PLCXD3: variants seen among roughly 807,000 people sequenced by gnomAD.
The protein encoded by PLCXD3 is phosphatidylinositol specific phospholipase C X domain containing 3.
PLCXD3 carries 19 observed loss-of-function variants against 25.5 expected under a neutral mutation model. The observed-to-expected ratio is 0.75, with a 90% CI of 0.52 to 1.09. The LOEUF is 1.09. Ranked by LOEUF, PLCXD3 falls within the 50% of genes least tolerant of loss-of-function variation. PLCXD3 has a pLI of 0.00. For missense variants in PLCXD3, 411 were observed against 388.1 expected (o/e 1.06, Z -0.50); for synonymous variants, 174 against 137.6 (o/e 1.26, Z -1.85).
chr5:41,493,335 G>T (rs576759787), intron 1 of PLCXD3, among the ~76,000 whole-genome samples: 70 of 152,298 alleles, frequency 4.6e-4, no homozygotes, highest in Non-Finnish European at 9.7e-4. Context: ...GTGTCAGTCT[G>T]CCCCTACTGG....
chr5:41,500,011 T>C (rs1012247440), intron 1 of PLCXD3, among the ~76,000 whole-genome samples: 1 of 151,806 alleles, frequency 6.6e-6, no homozygotes, highest in African/African-American at 2.4e-5. Context: ...ATAGTATGGC[T>C]ATTTCTCAAA....
At chr5:41,316,826 G>A (rs1580294151) in intron 2 of PLCXD3, among the ~76,000 whole-genome samples, 1 of 152,290 alleles carries the variant, frequency 6.6e-6, no homozygotes, top group East Asian at 1.9e-4. Flanking sequence ...TTTAGTGCCA[G>A]TTCAGCTGCA....
chr5:41,436,521 G>C (rs1196797352), intron 1 of PLCXD3, among the ~76,000 whole-genome samples: 7 of 152,134 alleles, frequency 4.6e-5, no homozygotes, highest in Non-Finnish European at 1.0e-4. Flanking sequence ...CTATTGCTGA[G>C]TCACTTGAAA....
At chr5:41,367,419 G>A (rs1339718648) in intron 2 of PLCXD3, among the ~76,000 whole-genome samples, 1 of 151,946 alleles carries the variant, frequency 6.6e-6, no homozygotes, top group African/African-American at 2.4e-5. Context: ...TCAAATGTTT[G>A]TTGGCCATAA....
At chr5:41,453,373 A>T (rs777240802) in intron 1 of PLCXD3, among the ~76,000 whole-genome samples, 10 of 149,828 alleles carry the variant, frequency 6.7e-5, no homozygotes, top group Non-Finnish European at 1.3e-4. Flanking sequence ...TTTTTTAATG[A>T]CCGCATGGCA....
Position 41,313,517 on chromosome 5 carries a change from A to C in PLCXD3, c.*100T>G. 27 of 1,448,792 alleles carry C rather than the reference A, an allele frequency of 1.9e-5. No individual in the cohort carries two copies. Among genetic ancestry groups the C allele is most frequent in the Non-Finnish European group, 2.4e-5 (25 of 1,041,784 alleles). 89.7% of individuals were successfully genotyped at this position (1,448,792 alleles called of 1,614,324 possible). ...ACCCACTACCAGCCCTATTCCCTTC[A>C]GAGACTCAGTGGAATAGGAAGATCA... On this transcript the variant is annotated 3_prime_UTR_variant, in exon 3 of 3. Coordinates refer to ENST00000377801, the MANE Select transcript of PLCXD3 (RefSeq NM_001005473.3).
chr5:41,463,607 C>A (rs375937003), intron 1 of PLCXD3, among the ~76,000 whole-genome samples: 21 of 152,028 alleles, frequency 1.4e-4, no homozygotes, highest in African/African-American at 4.6e-4. Flanking sequence ...TATTTTCTTT[C>A]CATTACTAAT....
At chr5:41,317,236 C>A (rs1743326313) in intron 2 of PLCXD3, among the ~76,000 whole-genome samples, 2 of 152,250 alleles carry the variant, frequency 1.3e-5, no homozygotes, top group South Asian at 4.1e-4. Context: ...TTAGAGAATT[C>A]TCCCATATCT....
chr5:41,408,631 T>C (rs1746426080), intron 1 of PLCXD3, among the ~76,000 whole-genome samples: 1 of 152,164 alleles, frequency 6.6e-6, no homozygotes. Context: ...TTTAATAAAC[T>C]GTCTGAGGTT....
intron 2 of PLCXD3, among the ~76,000 whole-genome samples, chr5:41,347,340 T>G (rs1488193976): frequency 6.6e-6 from 1 of 152,234 alleles, no homozygotes. Context: ...GGTTCACTAA[T>G]GGCAAGGCTT....
At chr5:41,371,267 T>C (rs1378243841) in intron 2 of PLCXD3, among the ~76,000 whole-genome samples, 2 of 152,156 alleles carry the variant, frequency 1.3e-5, no homozygotes, top group Non-Finnish European at 2.9e-5. Flanking sequence ...CTTTTGACAT[T>C]TTATTGAAAA....
At chr5:41,398,185 C>T (rs1746068078) in intron 1 of PLCXD3, among the ~76,000 whole-genome samples, 1 of 152,158 alleles carries the variant, frequency 6.6e-6, no homozygotes, top group African/African-American at 2.4e-5. Context: ...CCATCCAAAT[C>T]TTATGTTGAA....
chr5:41,392,021 G>T (rs1426461863), intron 1 of PLCXD3, among the ~76,000 whole-genome samples: 1 of 152,092 alleles, frequency 6.6e-6, no homozygotes, highest in Non-Finnish European at 1.5e-5. Context: ...TTTGAGTGCC[G>T]GCTCAGCTGC....
intron 1 of PLCXD3, among the ~76,000 whole-genome samples, chr5:41,470,707 G>C (rs1290120679): frequency 6.6e-6 from 1 of 152,108 alleles, no homozygotes; most frequent in Non-Finnish European, 1.5e-5. Context: ...TTCCTTTAAT[G>C]CTAGAAGCTA....
In PLCXD3 at chr5:41,309,212, A is replaced by T. The variant is rs764901324; in HGVS notation, c.*4405T>A. On this transcript the variant is annotated 3_prime_UTR_variant, in exon 3 of 3. Transcript: ENST00000377801. ...AAAATAGTATCACAATTGAAATAAC[A>T]ATTACACAATTTTCAACAGATTCAA... is the stretch of plus-strand genomic sequence containing the variant. 1.3e-5 allele frequency: 2 copies of T among 152,592 alleles called. No individual in the cohort carries two copies. Among genetic ancestry groups the T allele is most frequent in the African/African-American group, 2.4e-5 (1 of 41,456 alleles). 9.5% of individuals were successfully genotyped at this position (152,592 alleles called of 1,614,324 possible). A position where few individuals can be genotyped will look rare whatever the true frequency, so the allele number is the denominator to read the frequency against.
rs1434415489 is a variant in PLCXD3, at chr5:41,312,849, A to G, written c.*768T>C. The G allele has an allele frequency of 6.6e-6, 1 of 152,514 alleles. No individual in the cohort carries two copies. The highest frequency in any genetic ancestry group is 1.5e-5 in the Non-Finnish European group (1 of 68,018). The allele number at this position is 152,514 out of a possible 1,614,324, so 9.4% of individuals were successfully genotyped here. On this transcript the variant is annotated 3_prime_UTR_variant, in exon 3 of 3. Coordinates refer to ENST00000377801, the MANE Select transcript of PLCXD3 (RefSeq NM_001005473.3). ...ACCATTTACTGGGTACTTGCAGGGC[A>G]ATATTATTTAAGAGATTGCCAAATT... is the stretch of plus-strand genomic sequence containing the variant.
intron 1 of PLCXD3, among the ~76,000 whole-genome samples, chr5:41,501,381 T>C (rs1748947068): frequency 6.6e-6 from 1 of 152,084 alleles, no homozygotes; most frequent in African/African-American, 2.4e-5. Context: ...AATCCTGTCA[T>C]ATGCTACCAC....
chr5:41,448,329 C>T (rs1208016681), intron 1 of PLCXD3, among the ~76,000 whole-genome samples: 2 of 152,194 alleles, frequency 1.3e-5, no homozygotes, highest in South Asian at 2.1e-4. Context: ...AGGCCAAGCT[C>T]AAGGCAGATT....
intron 1 of PLCXD3, among the ~76,000 whole-genome samples, chr5:41,475,957 G>A (rs1748274249): frequency 6.6e-6 from 1 of 152,156 alleles, no homozygotes; most frequent in African/African-American, 2.4e-5. Flanking sequence ...GTATTTATTG[G>A]GTAGCAAGAG....
Sources: allele counts gnomAD v4.1 joint callset (sites outside exome capture counted in the v4.1 genomes callset), GRCh38; gene constraint gnomAD v4.1.1; transcripts MANE v1.5; gene names NCBI Gene and HGNC (gene_info 2026-07-23, HGNC 2026-07-21).